The following GNAQ variants were observed in gnomAD, a reference collection of about 807,000 sequenced individuals.
GNAQ encodes guanine nucleotide-binding protein G(q) subunit alpha.
In GNAQ, 8 loss-of-function variants were observed where a neutral mutation model predicts 43.9. That is an observed-to-expected ratio of 0.18 (90% confidence interval 0.11 to 0.33). The LOEUF (loss-of-function observed/expected upper bound fraction) is 0.33, where lower values mean the gene tolerates loss of function less well. Ranked by LOEUF, GNAQ falls within the 10% of genes least tolerant of loss-of-function variation. The probability of loss-of-function intolerance (pLI) is 1.00; values close to 1 mark genes in which losing one functional copy is unlikely to be tolerated. For synonymous variants in GNAQ, 155 were observed against 170.7 expected (o/e 0.91, Z 0.71); for missense variants, 158 against 450.8 (o/e 0.35, Z 5.88).
At chr9:77,839,000 C>T (rs1217815094) in intron 2 of GNAQ, among the ~76,000 whole-genome samples, 1 of 152,076 alleles carries the variant, frequency 6.6e-6, no homozygotes, top group Non-Finnish European at 1.5e-5. Context: ...GAAGAGTAGT[C>T]ATATGGTACC....
intron 5 of GNAQ, among the ~76,000 whole-genome samples, chr9:77,741,690 T>C (rs1825656429): frequency 6.6e-6 from 1 of 152,214 alleles, no homozygotes; most frequent in African/African-American, 2.4e-5. Flanking sequence ...TCTGGCATTT[T>C]AAACCAGTAA....
At chr9:77,824,815 C>T (rs943575670) in intron 2 of GNAQ, among the ~76,000 whole-genome samples, 3 of 152,116 alleles carry the variant, frequency 2.0e-5, no homozygotes, top group Non-Finnish European at 2.9e-5. Flanking sequence ...CAAAGTTTTT[C>T]TTCTGCTAAG....
chr9:77,774,564 T>A (rs1826278937), intron 5 of GNAQ, among the ~76,000 whole-genome samples: 2 of 152,160 alleles, frequency 1.3e-5, no homozygotes, highest in South Asian at 4.1e-4. Flanking sequence ...TGGGCTCAAG[T>A]GACCCTCTGG....
chr9:77,946,950 A>T (rs1822911206), intron 1 of GNAQ, among the ~76,000 whole-genome samples: 1 of 152,254 alleles, frequency 6.6e-6, no homozygotes, highest in African/African-American at 2.4e-5. Flanking sequence ...TAAATTCTGT[A>T]ACTTAATATT....
At position 77,718,249 on chromosome 9, in the gene GNAQ, A is replaced by C. The variant is rs1384588079; in HGVS notation, c.*3074T>G. 3 of 232,682 alleles carry C rather than the reference A, an allele frequency of 1.3e-5. No individual in the cohort carries two copies. Among genetic ancestry groups the C allele is most frequent in the Non-Finnish European group, 2.5e-5 (3 of 117,720 alleles). 14.4% of individuals were successfully genotyped at this position (232,682 alleles called of 1,614,324 possible). On this transcript the variant is annotated 3_prime_UTR_variant, in exon 7 of 7. Transcript: ENST00000286548. ...AGGAGGCCAGTGGCACACGCTTATA[A>C]CGCTTGCAATCACAATATAATATAA...
intron 5 of GNAQ, among the ~76,000 whole-genome samples, chr9:77,793,188 C>T (rs1213332784): frequency 6.6e-6 from 1 of 152,056 alleles, no homozygotes; most frequent in Non-Finnish European, 1.5e-5. Context: ...ACAGTAACTG[C>T]CTTGTATCTT....
At chr9:77,746,242 GAT>G (rs1212312408) in intron 5 of GNAQ, among the ~76,000 whole-genome samples, 1 of 152,118 alleles carries the variant, frequency 6.6e-6, no homozygotes, top group African/African-American at 2.4e-5. Flanking sequence ...GCTACAGAAG[GAT>G]ATGTCCTAGT....
chr9:77,776,192 G>A lies in GNAQ; in HGVS notation c.735+18271C>T, dbSNP rs1826304139. On this transcript the variant is annotated intron_variant, in intron 5 of 6. Coordinates refer to ENST00000286548, the MANE Select transcript of GNAQ (RefSeq NM_002072.5). The stretch of plus-strand genomic sequence containing the variant: ...ATCTCCCTTTTCCAGCTCTGCAATA[G>A]CCTAGAAAACCAACAGCTTCTCAGC... Among the ~76,000 whole-genome samples the A allele has an allele frequency of 2.0e-5, 3 of 152,112 alleles. No homozygotes were observed. The South Asian group carries it at 6.2e-4, about 32-fold the overall frequency.
rs552130670 is a variant in GNAQ at position 77,782,195 on chromosome 9, T to TA, written c.735+12267dup. The stretch of plus-strand genomic sequence containing the variant: ...AAAGTATAATAATAAAAGAAAAGCT[T>TA]AAAAAAAAAATCTCCTGGAAATATT... On this transcript the variant is annotated intron_variant, in intron 5 of 6. Coordinates refer to ENST00000286548, the MANE Select transcript of GNAQ (RefSeq NM_002072.5). 2.2e-4 allele frequency among the ~76,000 whole-genome samples: 33 copies of TA among 149,066 alleles called. No homozygotes were observed. The South Asian group carries it at 3.4e-3, about 15-fold the overall frequency.
intron 1 of GNAQ, among the ~76,000 whole-genome samples, chr9:78,009,690 C>A (rs934937116): frequency 1.3e-5 from 2 of 152,068 alleles, no homozygotes; most frequent in African/African-American, 4.8e-5. Context: ...CCTCTACTTT[C>A]CTTTAGAGAA....
chr9:77,806,743 C>A (rs565121533), intron 3 of GNAQ, among the ~76,000 whole-genome samples: 1 of 152,270 alleles, frequency 6.6e-6, no homozygotes, highest in South Asian at 2.1e-4. Flanking sequence ...ATTCATTCAA[C>A]AACTTTTACG....
chr9:77,805,549 C>G (rs899737208), intron 3 of GNAQ, among the ~76,000 whole-genome samples: 1 of 151,948 alleles, frequency 6.6e-6, no homozygotes, highest in African/African-American at 2.4e-5. Flanking sequence ...GGATTACATG[C>G]GCGCAGCACC....
At chr9:77,835,799 A>G (rs1229353764) in intron 2 of GNAQ, among the ~76,000 whole-genome samples, 4 of 152,220 alleles carry the variant, frequency 2.6e-5, no homozygotes, top group Non-Finnish European at 5.9e-5. Context: ...CACAGTGCCT[A>G]TCTCATAACA....
chr9:77,960,699 CAAAAT>C (rs1823096867), intron 1 of GNAQ, among the ~76,000 whole-genome samples: 1 of 152,034 alleles, frequency 6.6e-6, no homozygotes, highest in South Asian at 2.1e-4. Flanking sequence ...ATAGTCAATA[CAAAAT>C]ATCATTTACA....
At chr9:77,776,959 T>C (rs1185837465) in intron 5 of GNAQ, among the ~76,000 whole-genome samples, 1 of 150,946 alleles carries the variant, frequency 6.6e-6, no homozygotes, top group Non-Finnish European at 1.5e-5. Context: ...TAAAGAAGAA[T>C]ATAGGTGAAG....
rs192000974 is a variant in GNAQ at position 77,939,361 on chromosome 9, C to T, written c.137-17016G>A. Among the ~76,000 whole-genome samples the T allele has an allele frequency of 1.7e-3, 259 of 152,264 alleles. 1 individual carries two copies. The highest frequency in any genetic ancestry group is 6.0e-3 in the African/African-American group (250 of 41,538). On this transcript the variant is annotated intron_variant, in intron 1 of 6. Coordinates refer to ENST00000286548, the MANE Select transcript of GNAQ (RefSeq NM_002072.5). ...GTTTGATAAGAAAATTCTGATCCTG[C>T]AGCATGAAGAACTAAATATGTTTAC...
At chr9:77,930,091 C>T (rs998277507) in intron 1 of GNAQ, among the ~76,000 whole-genome samples, 2 of 152,116 alleles carry the variant, frequency 1.3e-5, no homozygotes, top group Non-Finnish European at 2.9e-5. Context: ...TCTCCATTTC[C>T]TTAGGAGAGT....
intron 1 of GNAQ, among the ~76,000 whole-genome samples, chr9:77,951,388 T>A (rs970821374): frequency 6.6e-6 from 1 of 152,126 alleles, no homozygotes; most frequent in Non-Finnish European, 1.5e-5. Flanking sequence ...GTGAGCCACT[T>A]CATCCAGCCC....
At chr9:77,947,237 G>A (rs1242567615) in intron 1 of GNAQ, among the ~76,000 whole-genome samples, 1 of 152,232 alleles carries the variant, frequency 6.6e-6, no homozygotes, top group Admixed American at 6.5e-5. Context: ...TTACTGGAAT[G>A]AGGGGGAAGG....
Sources: gnomAD v4.1 joint callset for allele counts (sites outside exome capture counted in the v4.1 genomes callset) on GRCh38, gnomAD v4.1.1 for gene constraint, MANE v1.5 for transcripts, NCBI Gene and HGNC (gene_info 2026-07-23, HGNC 2026-07-21) for gene names.